Variants in SEMA3C observed in about 807,000 individuals in gnomAD.
SEMA3C encodes semaphorin 3C.
Under a neutral mutation model 89.4 loss-of-function variants are expected in SEMA3C, and 47 were observed. That is an observed-to-expected ratio of 0.53 (90% CI 0.42 to 0.67). The LOEUF (loss-of-function observed/expected upper bound fraction) is 0.67, where lower values mean the gene tolerates loss of function less well. Ranked by LOEUF, SEMA3C falls within the 30% of genes least tolerant of loss-of-function variation. The pLI is 0.00. For missense variants in SEMA3C, 839 were observed against 929.1 expected (o/e 0.90, Z 1.26); for synonymous variants, 310 against 320.2 (o/e 0.97, Z 0.34).
intron 2 of SEMA3C, among the ~76,000 whole-genome samples, chr7:80,829,222 C>T (rs1562894829): frequency 2.0e-5 from 3 of 151,984 alleles, no homozygotes; most frequent in Admixed American, 2.0e-4. Flanking sequence ...TGAAGTAAAA[C>T]ATAAACCACT....
At chr7:80,922,163 C>T, upstream of SEMA3C, 2 of 968,032 alleles carry the variant, frequency 2.1e-6, no homozygotes, top group Non-Finnish European at 2.8e-6. Context: ...GAAGGTTTGC[C>T]CAAAGTCAAA....
chr7:80,798,047 G>A (rs1789108913), intron 11 of SEMA3C, 45 bp downstream of exon 11: 2 of 1,560,530 alleles, frequency 1.3e-6, no homozygotes, highest in Non-Finnish European at 8.6e-7. Context: ...TGTTAAATGA[G>A]TTTTTATAAA....
At chr7:80,887,901 A>C (rs1562924467) in intron 2 of SEMA3C, among the ~76,000 whole-genome samples, 2 of 152,198 alleles carry the variant, frequency 1.3e-5, no homozygotes, top group Non-Finnish European at 2.9e-5. Flanking sequence ...TTTTGATTTC[A>C]ATTTATCAAC....
chr7:80,854,580 C>T (rs889026359), intron 2 of SEMA3C, among the ~76,000 whole-genome samples: 2 of 152,110 alleles, frequency 1.3e-5, no homozygotes, highest in South Asian at 4.1e-4. Context: ...TGAGAGTCAC[C>T]TGGGGTTTTC....
intron 17 of SEMA3C, among the ~76,000 whole-genome samples, chr7:80,746,849 G>T (rs1267485256): frequency 1.3e-5 from 2 of 151,776 alleles, no homozygotes; most frequent in Non-Finnish European, 2.9e-5. Context: ...TATTCCATAA[G>T]TATTAGTATT....
chr7:80,780,350 TC>T (rs1788663725), intron 12 of SEMA3C, among the ~76,000 whole-genome samples: 1 of 152,202 alleles, frequency 6.6e-6, no homozygotes, highest in Non-Finnish European at 1.5e-5. Flanking sequence ...ATAAATGACA[TC>T]TTTGTGATAT....
In SEMA3C at chr7:80,853,892, ATGTGTGTG is replaced by A. The variant is rs113692755; in HGVS notation, c.104-25155_104-25148del. 4.7e-5 allele frequency among the ~76,000 whole-genome samples: 7 copies of A among 148,960 alleles called. No individual in the cohort carries two copies. The East Asian group carries it at 5.9e-4, about 13-fold the overall frequency. On this transcript the variant is annotated intron_variant, in intron 2 of 17. Coordinates refer to ENST00000265361, the MANE Select transcript of SEMA3C (RefSeq NM_006379.5). ...AAAATATCTTATGTACCCCATATATATGTGTGTGTGTGTGTGTGTGTGTGTATACACAC... is the reference window on the plus strand; with the variant it reads ...AAAATATCTTATGTACCCCATATATATGTGTGTGTGTGTGTGTATACACAC...
At chr7:80,842,024 T>C (rs1367282628) in intron 2 of SEMA3C, among the ~76,000 whole-genome samples, 1 of 152,154 alleles carries the variant, frequency 6.6e-6, no homozygotes, top group African/African-American at 2.4e-5. Flanking sequence ...TTTTCTCCTT[T>C]TTTCTTGTCT....
At chr7:80,853,549 A>T (rs990170044) in intron 2 of SEMA3C, among the ~76,000 whole-genome samples, 2 of 152,154 alleles carry the variant, frequency 1.3e-5, no homozygotes, top group Non-Finnish European at 2.9e-5. Context: ...TCACTCATTT[A>T]TGGGAGCTAA....
At chr7:80,843,321 A>G (rs1474979004) in intron 2 of SEMA3C, among the ~76,000 whole-genome samples, 1 of 152,194 alleles carries the variant, frequency 6.6e-6, no homozygotes, top group African/African-American at 2.4e-5. Flanking sequence ...TACTCTATGT[A>G]TTATCTATCA....
rs199632463 is a variant in SEMA3C, at chr7:80,800,849, T to C, written c.917-23A>G. ...CCTCTATAAAAAGGAAAATATTCTT[T>C]TAAAGTTTCTAAATATTAACTTCTT... On this transcript the variant is annotated intron_variant, in intron 9 of 17. Transcript: ENST00000265361. 43 of 1,452,860 alleles carry C rather than the reference T, an allele frequency of 3.0e-5. 1 individual carries two copies. Among genetic ancestry groups the C allele is most frequent in the East Asian group, 2.9e-4 (11 of 37,846 alleles). 90.0% of individuals were successfully genotyped at this position (1,452,860 alleles called of 1,614,324 possible).
intron 12 of SEMA3C, among the ~76,000 whole-genome samples, chr7:80,783,675 G>A (rs1195779955): frequency 6.6e-6 from 1 of 152,186 alleles, no homozygotes; most frequent in African/African-American, 2.4e-5. Context: ...TGGCTCTGCA[G>A]TTCATTAAGT....
At chr7:80,821,366 C>A (rs1789741998) in intron 4 of SEMA3C, among the ~76,000 whole-genome samples, 1 of 152,154 alleles carries the variant, frequency 6.6e-6, no homozygotes, top group African/African-American at 2.4e-5. Flanking sequence ...AACATTGAAT[C>A]CTGTACTTTT....
chr7:80,905,761 G>T, intron 2 of SEMA3C: 1 of 852,634 alleles, frequency 1.2e-6, no homozygotes, highest in Non-Finnish European at 1.7e-6. Context: ...AGGTGTCTAT[G>T]CTTCTTTTAT....
At chr7:80,896,035 TGTTTA>T (rs967461936) in intron 2 of SEMA3C, among the ~76,000 whole-genome samples, 1 of 152,128 alleles carries the variant, frequency 6.6e-6, no homozygotes, top group African/African-American at 2.4e-5. Flanking sequence ...ATGAGAGTTG[TGTTTA>T]GTTTATCTTA....
intron 2 of SEMA3C, among the ~76,000 whole-genome samples, chr7:80,859,224 G>T (rs974014729): frequency 6.6e-6 from 1 of 152,052 alleles, no homozygotes; most frequent in Non-Finnish European, 1.5e-5. Context: ...ATGAGCCACT[G>T]TAATGGTTTA....
intron 12 of SEMA3C, among the ~76,000 whole-genome samples, chr7:80,771,859 A>G (rs1198134317): frequency 1.3e-5 from 2 of 152,192 alleles, no homozygotes; most frequent in East Asian, 3.8e-4. Flanking sequence ...TGTCACCCAC[A>G]GTCACACAAG....
In SEMA3C at chr7:80,751,147, T is replaced by C. The variant is rs1787925899; in HGVS notation, c.1711+122A>G. The C allele has an allele frequency of 1.1e-5, 8 of 743,066 alleles. No homozygotes were observed. The South Asian group carries it at 1.6e-4, about 15-fold the overall frequency. The allele number at this position is 743,066 out of a possible 1,614,324, so 46.0% of individuals were successfully genotyped here. A position where few individuals can be genotyped will look rare whatever the true frequency, so the allele number is the denominator to read the frequency against. ...ATTACCCTATATAAATACCCAGAAT[T>C]GTTATAATAAATATTTTTGAAAGTG... is the stretch of plus-strand genomic sequence containing the variant. On this transcript the variant is annotated intron_variant, in intron 16 of 17. Coordinates refer to ENST00000265361, the MANE Select transcript of SEMA3C (RefSeq NM_006379.5).
At chr7:80,769,864 C>CAA (rs1293174938) in intron 12 of SEMA3C, among the ~76,000 whole-genome samples, 3,993 of 47,000 alleles carry the variant, frequency 0.085, 120 homozygotes, top group Non-Finnish European at 0.1. Flanking sequence ...GTCCCCCCCC[C>CAA]AAAAAAAAAA....
Sources: allele counts gnomAD v4.1 joint callset (sites outside exome capture counted in the v4.1 genomes callset), GRCh38; gene constraint gnomAD v4.1.1; transcripts MANE v1.5; gene names NCBI Gene and HGNC (gene_info 2026-07-23, HGNC 2026-07-21).